The following SMCHD1 variants were observed in gnomAD, a reference collection of about 807,000 sequenced individuals.
SMCHD1 encodes structural maintenance of chromosomes flexible hinge domain containing 1.
A neutral mutation model predicts 254.7 loss-of-function variants in SMCHD1; 78 were observed. The ratio of observed to expected loss-of-function variants is 0.31; its 90% confidence interval spans 0.26 to 0.37. SMCHD1 has a LOEUF of 0.37. Ranked by LOEUF, SMCHD1 falls within the 10% of genes least tolerant of loss-of-function variation. The probability of loss-of-function intolerance (pLI) is 1.00; values close to 1 mark genes in which losing one functional copy is unlikely to be tolerated. For missense variants in SMCHD1, 1,840 were observed against 2,408.1 expected (o/e 0.76, Z 4.94); for synonymous variants, 766 against 794.9 (o/e 0.96, Z 0.61).
chr18:2,734,159 T>A (rs1321107410), intron 25 of SMCHD1, among the ~76,000 whole-genome samples: 1 of 152,150 alleles, frequency 6.6e-6, no homozygotes, highest in Admixed American at 6.5e-5. Context: ...GAAGAGAGAA[T>A]TGAGATAGAA....
chr18:2,729,217 A>T, intron 23 of SMCHD1, 58 bp from the exon 24 acceptor site: 1 of 1,300,808 alleles, frequency 7.7e-7, no homozygotes. Flanking sequence ...TTGAACAATT[A>T]CGGAAGAATC....
intron 17 of SMCHD1, among the ~76,000 whole-genome samples, chr18:2,716,280 G>A (rs1328268002): frequency 1.3e-5 from 2 of 152,228 alleles, no homozygotes; most frequent in Non-Finnish European, 2.9e-5. Context: ...ATGGACAATT[G>A]TGGTAGTAGA....
chr18:2,768,213 G>T (rs1167519929), intron 37 of SMCHD1, among the ~76,000 whole-genome samples: 1 of 151,742 alleles, frequency 6.6e-6, no homozygotes, highest in Non-Finnish European at 1.5e-5. Context: ...AAGAATATGA[G>T]CAGGCAATTA....
intron 30 of SMCHD1, among the ~76,000 whole-genome samples, chr18:2,749,757 A>G (rs1055859186): frequency 6.6e-6 from 1 of 151,942 alleles, no homozygotes. Context: ...CATTTGATCT[A>G]TCAGTGATAT....
At chr18:2,697,787 A>G (rs2074315648) in intron 9 of SMCHD1, 44 bp from the exon 10 acceptor site, 1 of 1,311,968 alleles carries the variant, frequency 7.6e-7, no homozygotes. Context: ...ACAAAAGTAA[A>G]GTTACCATAG....
chr18:2,687,546 T>A (rs938923668), intron 5 of SMCHD1, among the ~76,000 whole-genome samples: 5 of 152,180 alleles, frequency 3.3e-5, no homozygotes, highest in African/African-American at 1.2e-4. Context: ...TTTCTTTTTA[T>A]GTATCTTGTT....
At chr18:2,708,907 T>TATAAAA (rs769432583) in intron 17 of SMCHD1, among the ~76,000 whole-genome samples, 543 of 44,692 alleles carry the variant, frequency 0.012, 44 homozygotes, top group Non-Finnish European at 0.013. Context: ...TATATATATA[T>TATAAAA]AACATATTAA....
At chr18:2,750,294 AT>A (rs2075546588) in intron 31 of SMCHD1, 55 bp from the exon 32 acceptor site, 2 of 1,534,570 alleles carry the variant, frequency 1.3e-6, no homozygotes, top group Non-Finnish European at 1.8e-6. Flanking sequence ...TTGTCTCAGA[AT>A]TTTTAGGTTA....
chr18:2,732,558 C>G, intron 25 of SMCHD1, 66 bp downstream of exon 25: 1 of 1,027,834 alleles, frequency 9.7e-7, no homozygotes, highest in Non-Finnish European at 1.4e-6. Context: ...TAAGACTGAA[C>G]AAGCCGTTTT....
At chr18:2,744,356 T>C (rs554117445) in intron 29 of SMCHD1, among the ~76,000 whole-genome samples, 3 of 152,266 alleles carry the variant, frequency 2.0e-5, no homozygotes. Context: ...CCGTAAATAC[T>C]TCGGTATGCC....
rs1335995643 is a variant in SMCHD1 at position 2,699,839 on chromosome 18, G to A, written c.1343-700G>A. On this transcript the variant is annotated intron_variant, in intron 10 of 47. Transcript: ENST00000320876. Reference sequence around the variant, plus strand: ...AGGGACTTCTTGTGAGGGCTTTTAGGGAGAAGGTTTTGTTTTAGGTGGGTA... The same window carrying A: ...AGGGACTTCTTGTGAGGGCTTTTAGAGAGAAGGTTTTGTTTTAGGTGGGTA... Among the ~76,000 whole-genome samples the A allele has an allele frequency of 2.6e-5, 4 of 152,316 alleles. 1 individual carries two copies. The East Asian group carries it at 7.7e-4, about 29-fold the overall frequency.
intron 34 of SMCHD1, among the ~76,000 whole-genome samples, chr18:2,757,142 C>T (rs1013432657): frequency 6.6e-6 from 1 of 152,148 alleles, no homozygotes; most frequent in Admixed American, 6.5e-5. Context: ...CATTTCTAAG[C>T]ATAACTTTAA....
At chr18:2,749,915 G>A (rs1439639925) in intron 30 of SMCHD1, 128 bp from the exon 31 acceptor site, 5 of 761,598 alleles carry the variant, frequency 6.6e-6, no homozygotes, top group Admixed American at 3.2e-5. Flanking sequence ...TTAAAATTTA[G>A]ATTTTAGAAG....
At chr18:2,777,983 C>T in intron 43 of SMCHD1, 68 bp downstream of exon 43, 1 of 1,101,040 alleles carries the variant, frequency 9.1e-7, no homozygotes, top group Non-Finnish European at 1.3e-6. Context: ...CTATAAATTA[C>T]TGATAATGAA....
Position 2,760,639 on chromosome 18 carries a change from C to A in SMCHD1, c.4347-13C>A. The A allele has an allele frequency of 1.4e-6, 2 of 1,417,940 alleles. No homozygotes were observed. Among genetic ancestry groups the A allele is most frequent in the Non-Finnish European group, 2.0e-6 (2 of 1,003,760 alleles). 87.8% of individuals were successfully genotyped at this position (1,417,940 alleles called of 1,614,324 possible). ...AAACATTGTCAGTAATCTTAACTTT[C>A]TTTTAAATTTAGGGATAAAGTAATT... is the stretch of plus-strand genomic sequence containing the variant. On this transcript the variant is annotated splice_polypyrimidine_tract_variant and intron_variant, in intron 34 of 47. Coordinates refer to ENST00000320876, the MANE Select transcript of SMCHD1 (RefSeq NM_015295.3).
intron 25 of SMCHD1, among the ~76,000 whole-genome samples, chr18:2,734,852 G>A (rs1163681715): frequency 2.0e-5 from 3 of 151,808 alleles, no homozygotes; most frequent in Non-Finnish European, 4.4e-5. Context: ...GGTGGATCAC[G>A]AGGTCAAGAG....
Position 2,676,766 on chromosome 18 carries a change from C to T in SMCHD1, c.638+2621C>T, listed in dbSNP as rs138988161. On this transcript the variant is annotated intron_variant, in intron 5 of 47. Coordinates refer to ENST00000320876, the MANE Select transcript of SMCHD1 (RefSeq NM_015295.3). The stretch of plus-strand genomic sequence containing the variant: ...ACATTTTGTCACATTTATGATCTGT[C>T]TACACACTTACACACACACACTTTG... Among the ~76,000 whole-genome samples the T allele has an allele frequency of 4.1e-3, 629 of 152,236 alleles. 4 individuals are homozygous for T. Among genetic ancestry groups the T allele is most frequent in the African/African-American group, 0.015 (608 of 41,528 alleles).
intron 5 of SMCHD1, among the ~76,000 whole-genome samples, chr18:2,685,652 T>C (rs1430446963): frequency 6.6e-6 from 1 of 152,172 alleles, no homozygotes; most frequent in African/African-American, 2.4e-5. Context: ...TATTGTACTT[T>C]CTGTTTCAAT....
At chr18:2,737,903 A>G (rs1204500855) in intron 25 of SMCHD1, among the ~76,000 whole-genome samples, 3 of 152,186 alleles carry the variant, frequency 2.0e-5, no homozygotes, top group Non-Finnish European at 4.4e-5. Context: ...AGAGGTATAA[A>G]TTAATACAGA....
Sources: gnomAD v4.1 joint callset for allele counts (sites outside exome capture counted in the v4.1 genomes callset) on GRCh38, gnomAD v4.1.1 for gene constraint, MANE v1.5 for transcripts, NCBI Gene and HGNC (gene_info 2026-07-23, HGNC 2026-07-21) for gene names.